Variants in MZT2A observed in about 807,000 individuals in gnomAD.
MZT2A encodes mitotic-spindle organizing protein 2A.
In MZT2A, 8 loss-of-function variants were observed where a neutral mutation model predicts 12.4. The observed-to-expected ratio is 0.64, with a 90% CI of 0.38 to 1.16. The LOEUF (loss-of-function observed/expected upper bound fraction) is 1.16. Ranked by LOEUF, MZT2A falls within the 50% of genes most tolerant of loss-of-function variation. The probability of loss-of-function intolerance (pLI) is 0.01; values close to 1 mark genes in which losing one functional copy is unlikely to be tolerated. For missense variants in MZT2A, 181 were observed against 223.6 expected, an observed-to-expected ratio of 0.81 and a Z score of 1.22; for synonymous variants, 88 against 107.5, an observed-to-expected ratio of 0.82 and a Z score of 1.12.
At chr2:131,493,348 G>T (rs547125510), upstream of MZT2A, among the ~76,000 whole-genome samples, 7 of 152,336 alleles carry the variant, frequency 4.6e-5, no homozygotes, top group South Asian at 1.4e-3. Context: ...ACCTTCCCGC[G>T]CCGCTCGTAC....
chr2:131,477,037 C>CTTTTTTTTT (rs1229461335), intron 2 of MZT2A, among the ~76,000 whole-genome samples: 1 of 108,728 alleles, frequency 9.2e-6, no homozygotes, highest in African/African-American at 6.8e-5. Flanking sequence ...CTTTTTCTTT[C>CTTTTTTTTT]TTTTTTTTTT....
downstream of MZT2A, chr2:131,479,983 G>A: frequency 1.4e-6 from 2 of 1,475,130 alleles, no homozygotes; most frequent in Non-Finnish European, 1.8e-6. Flanking sequence ...CAACTCTTTA[G>A]AGGCAAAGAG....
rs551443616 is a variant in MZT2A at position 131,475,319 on chromosome 2, CTTTTTTTTTT to C, written c.279-3147_279-3138del. Among the ~76,000 whole-genome samples the C allele has an allele frequency of 8.1e-4, 77 of 94,534 alleles. 1 individual carries two copies. The highest frequency in any genetic ancestry group is 9.5e-4 in the East Asian group (2 of 2,102). The allele number at this position is 94,534 out of a possible 152,430, so 62.0% of individuals were successfully genotyped here. On this transcript the variant is annotated intron_variant and NMD_transcript_variant, in intron 2 of 4. Transcript: ENST00000427024. ...TACGTTAATTTTGCCTCCTTTCTTC[CTTTTTTTTTT>C]TTTTTTTTTTTTTTTTGAAACGGAG...
At chr2:131,472,695 G>T (rs1230753764) in intron 2 of MZT2A, among the ~76,000 whole-genome samples, 1 of 152,188 alleles carries the variant, frequency 6.6e-6, no homozygotes, top group Non-Finnish European at 1.5e-5. Context: ...ATGTGGTCTA[G>T]GTGTGCAGTA....
chr2:131,474,957 A>T (rs1678603173), intron 2 of MZT2A, among the ~76,000 whole-genome samples: 1 of 151,902 alleles, frequency 6.6e-6, no homozygotes, highest in African/African-American at 2.4e-5. Flanking sequence ...AACTTGGCCC[A>T]AATAAACTCT....
chr2:131,480,523 C>G (rs757668059), downstream of MZT2A: 1 of 1,604,586 alleles, frequency 6.2e-7, no homozygotes, highest in Non-Finnish European at 8.5e-7. Context: ...CCAGTCATCT[C>G]AGCTGAGAAG....
downstream of MZT2A, chr2:131,480,620 C>T (rs150621395): frequency 4.1e-5 from 66 of 1,613,524 alleles, no homozygotes; most frequent in African/African-American, 2.5e-4. Flanking sequence ...ACCCTCGCCA[C>T]GGCAAGTACA....
intron 2 of MZT2A, among the ~76,000 whole-genome samples, chr2:131,488,353 G>T (rs1679138722): frequency 6.6e-6 from 1 of 152,094 alleles, no homozygotes; most frequent in Admixed American, 6.6e-5. Flanking sequence ...TTCCCTGTGG[G>T]TATGAGTGAA....
rs867349493 is a variant in MZT2A, at chr2:131,484,192, C to T, written c.346G>A (p.Gly116Arg). ...CGTTCCGCCAGGGCCAATACTCCCCCGAGGGCAGCGCTGCCTTTGTCTCTC... is the reference window on the plus strand; with the variant it reads ...CGTTCCGCCAGGGCCAATACTCCCCTGAGGGCAGCGCTGCCTTTGTCTCTC... ...RGRDKGSAAL[G>R]GVLALAERSN... is the part of the protein sequence containing the mutation. Residue 116 changes from glycine to arginine, a missense_variant, in exon 3 of 3, where the codon GGG becomes AGG. Gly to Arg is a moderately radical substitution (Grantham distance 125). Transcript: ENST00000309451. 42 of 1,614,054 alleles carry T rather than the reference C, an allele frequency of 2.6e-5. No homozygotes were observed. The highest frequency in any genetic ancestry group is 3.3e-5 in the Non-Finnish European group (39 of 1,179,944).
At chr2:131,479,982 A>C, downstream of MZT2A, 1 of 1,469,300 alleles carries the variant, frequency 6.8e-7, no homozygotes, top group South Asian at 1.4e-5. Context: ...TCAACTCTTT[A>C]GAGGCAAAGA....
chr2:131,478,235 C>T, intron 2 of MZT2A: 12 of 1,614,104 alleles, frequency 7.4e-6, no homozygotes, highest in Non-Finnish European at 9.3e-6. Flanking sequence ...AACTGTACTG[C>T]CTTGAACATG....
downstream of MZT2A, chr2:131,480,709 G>A (rs756357409): frequency 8.7e-6 from 14 of 1,612,220 alleles, no homozygotes; most frequent in African/African-American, 4.0e-5. Flanking sequence ...AAGACCAAGC[G>A]CACCATCCAG....
At chr2:131,479,280 T>C, downstream of MZT2A, 1 of 1,610,846 alleles carries the variant, frequency 6.2e-7, no homozygotes, top group South Asian at 1.1e-5. Context: ...GCCTTAAAAA[T>C]TCACAGCACA....
chr2:131,480,050 G>A (rs770769549), downstream of MZT2A: 9 of 1,563,686 alleles, frequency 5.8e-6, no homozygotes, highest in South Asian at 2.4e-5. Flanking sequence ...ATTGGCTCAC[G>A]TTGTGTGGTT....
rs186967438 is a variant in MZT2A at position 131,487,021 on chromosome 2, G to C, written c.320-2803C>G. Reference sequence around the variant, plus strand: ...GGGGAAACCAGCTTTGCTTAGCCCTGCTCCCTCGGGAGGGGCTACTGAGTC... The same window carrying C: ...GGGGAAACCAGCTTTGCTTAGCCCTCCTCCCTCGGGAGGGGCTACTGAGTC... On this transcript the variant is annotated intron_variant, in intron 2 of 2. Coordinates refer to ENST00000309451, the MANE Select transcript of MZT2A (RefSeq NM_001085365.2). 4.7e-3 allele frequency among the ~76,000 whole-genome samples: 709 copies of C among 152,286 alleles called. 9 individuals are homozygous for C. Among genetic ancestry groups the C allele is most frequent in the Middle Eastern group, 0.014 (4 of 294 alleles).
downstream of MZT2A, chr2:131,479,927 C>T: frequency 1.5e-6 from 2 of 1,299,550 alleles, no homozygotes; most frequent in Non-Finnish European, 2.1e-6. Flanking sequence ...CTTTTCTTTG[C>T]TTCAAAGTGT....
At chr2:131,476,118 G>T in intron 2 of MZT2A, 1 of 1,609,836 alleles carries the variant, frequency 6.2e-7, no homozygotes, top group South Asian at 1.1e-5. Flanking sequence ...GCACAGGCAG[G>T]AGGTTGCAGT....
chr2:131,481,177 T>C (rs1170288387), downstream of MZT2A, among the ~76,000 whole-genome samples: 2 of 152,060 alleles, frequency 1.3e-5, no homozygotes, highest in East Asian at 3.9e-4. Context: ...GTGCTGGGAT[T>C]ACAGTCGTGA....
chr2:131,477,126 C>G (rs1181054397), intron 2 of MZT2A, among the ~76,000 whole-genome samples: 1 of 151,576 alleles, frequency 6.6e-6, no homozygotes, highest in Admixed American at 6.6e-5. Context: ...CAGCCTTGAA[C>G]CCCTGGCTTC....
Sources: allele counts gnomAD v4.1 joint callset (sites outside exome capture counted in the v4.1 genomes callset), GRCh38; gene constraint gnomAD v4.1.1; transcripts MANE v1.5; gene names NCBI Gene and HGNC (gene_info 2026-07-23, HGNC 2026-07-21).